The following THRB variants were observed in gnomAD, a reference collection of about 807,000 sequenced individuals.
THRB encodes the protein nuclear receptor subfamily 1 group A member 2.
In THRB, 12 loss-of-function variants were observed where a neutral mutation model predicts 47.8. The ratio of observed to expected loss-of-function variants is 0.25; its 90% CI spans 0.16 to 0.41. The LOEUF (loss-of-function observed/expected upper bound fraction) is 0.41, where lower values mean the gene tolerates loss of function less well. Among genes scored for constraint, THRB ranks in the 10% least tolerant of loss-of-function variants. The probability of loss-of-function intolerance (pLI) is 1.00; values close to 1 mark genes in which losing one functional copy is unlikely to be tolerated. For synonymous variants in THRB, 218 were observed against 212.2 expected (o/e 1.03, Z -0.24); for missense variants, 348 against 589.2 (o/e 0.59, Z 4.24).
At chr3:24,433,525 C>T (rs1000895641) in intron 1 of THRB, among the ~76,000 whole-genome samples, 2 of 152,096 alleles carry the variant, frequency 1.3e-5, no homozygotes, top group African/African-American at 4.8e-5. Context: ...GGAATTAGTT[C>T]TGCAGACCCT....
Position 24,131,365 on chromosome 3 carries a change from T to C in THRB, c.885+1951A>G, listed in dbSNP as rs527761497. Among the ~76,000 whole-genome samples, 8 of 152,296 alleles carry C rather than the reference T, an allele frequency of 5.3e-5. No homozygotes were observed. The South Asian group carries it at 1.5e-3, about 28-fold the overall frequency. On this transcript the variant is annotated intron_variant, in intron 9 of 10. Coordinates refer to ENST00000646209, the MANE Select transcript of THRB (RefSeq NM_001354712.2). ...TAATATCCTCTAAAATGTTAATAGA[T>C]GTCTACTTCTAAAAAAGGCGTCAAA...
chr3:24,165,483 G>A, intron 5 of THRB: 1 of 593,604 alleles, frequency 1.7e-6, no homozygotes, highest in Non-Finnish European at 3.0e-6. Flanking sequence ...GAAACGCGAA[G>A]GGAAGATGAA....
chr3:24,330,272 AGT>A (rs1399982039), intron 2 of THRB, among the ~76,000 whole-genome samples: 1 of 152,168 alleles, frequency 6.6e-6, no homozygotes, highest in East Asian at 1.9e-4. Flanking sequence ...GCGCCACTGC[AGT>A]CCGCAGTCCG....
chr3:24,303,723 A>G (rs2057124393), intron 2 of THRB, among the ~76,000 whole-genome samples: 1 of 152,202 alleles, frequency 6.6e-6, no homozygotes, highest in Admixed American at 6.5e-5. Context: ...TGCCATTAGA[A>G]TTCTGTTACT....
At chr3:24,261,836 C>T (rs1462809618) in intron 3 of THRB, among the ~76,000 whole-genome samples, 1 of 152,226 alleles carries the variant, frequency 6.6e-6, no homozygotes, top group Non-Finnish European at 1.5e-5. Flanking sequence ...CAGGATGAGA[C>T]ACTTTGCTGA....
chr3:24,230,715 T>C (rs992675961), intron 3 of THRB, among the ~76,000 whole-genome samples: 2 of 152,182 alleles, frequency 1.3e-5, no homozygotes, highest in African/African-American at 4.8e-5. Flanking sequence ...TTTCACATGC[T>C]ACCACTCCTG....
Position 24,118,159 on chromosome 3 carries a change from A to T in THRB, c.*4725T>A, listed in dbSNP as rs1314443108. On this transcript the variant is annotated 3_prime_UTR_variant, in exon 11 of 11. Transcript: ENST00000646209. The stretch of plus-strand genomic sequence containing the variant: ...GCAGCTGAAGTGAGAAGAGCAGGCA[A>T]CTCTTTGCCTATGTAGAAAATAATA... 2 of 152,630 alleles carry T rather than the reference A, an allele frequency of 1.3e-5. No individual in the cohort carries two copies. Among genetic ancestry groups the T allele is most frequent in the African/African-American group, 4.8e-5 (2 of 41,460 alleles). The allele number at this position is 152,630 out of a possible 1,614,324, so 9.5% of individuals were successfully genotyped here.
At chr3:24,302,978 G>A (rs1219249311) in intron 2 of THRB, among the ~76,000 whole-genome samples, 1 of 152,026 alleles carries the variant, frequency 6.6e-6, no homozygotes, top group Non-Finnish European at 1.5e-5. Context: ...CTTACTGATT[G>A]TTGCACTCCA....
chr3:24,216,823 A>G (rs2046614643), intron 4 of THRB, among the ~76,000 whole-genome samples: 1 of 152,222 alleles, frequency 6.6e-6, no homozygotes, highest in African/African-American at 2.4e-5. Context: ...AATCTAATTT[A>G]GAGCATGGTG....
At chr3:24,228,304 C>T (rs1168479446) in intron 4 of THRB, among the ~76,000 whole-genome samples, 2 of 152,172 alleles carry the variant, frequency 1.3e-5, no homozygotes, top group African/African-American at 4.8e-5. Context: ...TCTGCCTCTC[C>T]TTTGACCCTT....
At chr3:24,271,109 T>C (rs569748487) in intron 3 of THRB, among the ~76,000 whole-genome samples, 1 of 152,330 alleles carries the variant, frequency 6.6e-6, no homozygotes, top group East Asian at 1.9e-4. Flanking sequence ...GATATTTTCG[T>C]TGAGGATAGA....
rs2031234942 is a variant in THRB at position 24,119,406 on chromosome 3, T to C, written c.*3478A>G. 1 of 152,202 alleles carries C rather than the reference T, an allele frequency of 6.6e-6. No homozygotes were observed. The highest frequency in any genetic ancestry group is 2.1e-4 in the South Asian group (1 of 4,826). 9.4% of individuals were successfully genotyped at this position (152,202 alleles called of 1,614,324 possible). On this transcript the variant is annotated 3_prime_UTR_variant, in exon 11 of 11. Transcript: ENST00000646209. ...AAACTGTAAGACTGATTTCATAATT[T>C]ATGACTCATGCAGCAAAAGGTCAAT...
chr3:24,234,152 G>A (rs894603230), intron 3 of THRB, among the ~76,000 whole-genome samples: 11 of 152,136 alleles, frequency 7.2e-5, no homozygotes, highest in Non-Finnish European at 1.3e-4. Flanking sequence ...ATTAGGGAGT[G>A]TGCTCTCCTC....
At chr3:24,294,640 C>G (rs910806491) in intron 3 of THRB, among the ~76,000 whole-genome samples, 7 of 152,150 alleles carry the variant, frequency 4.6e-5, no homozygotes, top group Non-Finnish European at 7.3e-5. Flanking sequence ...AGCGGACAGC[C>G]TGGGAACAAA....
intron 5 of THRB, among the ~76,000 whole-genome samples, chr3:24,175,675 T>C (rs2041044892): frequency 6.6e-6 from 1 of 152,226 alleles, no homozygotes; most frequent in African/African-American, 2.4e-5. Context: ...CCAACCTTAA[T>C]GAATCTAATA....
At chr3:24,321,962 CT>C (rs201886762) in intron 2 of THRB, among the ~76,000 whole-genome samples, 91 of 149,610 alleles carry the variant, frequency 6.1e-4, no homozygotes, top group South Asian at 3.2e-3. Flanking sequence ...TAAATTTCAC[CT>C]TTTTTTTTAA....
At chr3:24,375,396 G>T (rs111315057) in intron 1 of THRB, among the ~76,000 whole-genome samples, 1,647 of 86,674 alleles carry the variant, frequency 0.019, 22 homozygotes, top group African/African-American at 0.043. Context: ...ATATATTATA[G>T]TTAGACATAT....
chr3:24,305,837 T>C (rs944953790), intron 2 of THRB, among the ~76,000 whole-genome samples: 1 of 152,218 alleles, frequency 6.6e-6, no homozygotes, highest in Non-Finnish European at 1.5e-5. Flanking sequence ...CCTAGTTCTA[T>C]GCAGCATTCA....
intron 4 of THRB, among the ~76,000 whole-genome samples, chr3:24,211,791 C>T (rs1444577693): frequency 6.6e-6 from 1 of 152,164 alleles, no homozygotes; most frequent in Admixed American, 6.5e-5. Context: ...GTTTTTCCGA[C>T]CCTCATCTAG....
Sources: gnomAD v4.1 joint callset for allele counts (sites outside exome capture counted in the v4.1 genomes callset) on GRCh38, gnomAD v4.1.1 for gene constraint, MANE v1.5 for transcripts, NCBI Gene and HGNC (gene_info 2026-07-23, HGNC 2026-07-21) for gene names.